The following CXCL8 variants were observed in gnomAD, a reference collection of about 807,000 sequenced individuals.
The protein encoded by CXCL8 is C-X-C motif chemokine ligand 8.
A neutral mutation model predicts 10.9 loss-of-function variants in CXCL8; 12 were observed. The observed-to-expected ratio is 1.10, with a 90% confidence interval of 0.71 to 1.79. CXCL8 has a LOEUF of 1.79. CXCL8 is among the 40% of genes most tolerant of loss of function. The probability of loss-of-function intolerance (pLI) is 0.00; values close to 1 mark genes in which losing one functional copy is unlikely to be tolerated. For missense variants in CXCL8, 145 were observed against 113.4 expected (o/e 1.28, Z -1.26); for synonymous variants, 41 against 39.6 (o/e 1.03, Z -0.13).
chr4:73,740,600 C>A lies in CXCL8; in HGVS notation c.-59C>A. Reference sequence around the variant, plus strand: ...TTTCAGAGACAGCAGAGCACACAAGCTTCTAGGACAAGAGCCAGGAAGAAA... The same window carrying A: ...TTTCAGAGACAGCAGAGCACACAAGATTCTAGGACAAGAGCCAGGAAGAAA... On this transcript the variant is annotated 5_prime_UTR_variant, in exon 1 of 4. Transcript: ENST00000307407. 6.6e-7 allele frequency: 1 copy of A among 1,508,736 alleles called. No individual in the cohort carries two copies. Among genetic ancestry groups the A allele is most frequent in the Non-Finnish European group, 9.2e-7 (1 of 1,088,986 alleles). 93.5% of individuals were successfully genotyped at this position (1,508,736 alleles called of 1,614,324 possible). A position where few individuals can be genotyped will look rare whatever the true frequency, so the allele number is the denominator to read the frequency against.
chr4:73,742,394 C>T (rs1729204733), intron 3 of CXCL8, 55 bp from the exon 4 acceptor site: 2 of 868,826 alleles, frequency 2.3e-6, no homozygotes, highest in Non-Finnish European at 3.6e-6. Flanking sequence ...TTCAAGAACC[C>T]TACTTTCCTT....
intron 2 of CXCL8, 91 bp from the exon 3 acceptor site, chr4:73,741,858 T>C (rs1316863888): frequency 8.9e-7 from 1 of 1,122,994 alleles, no homozygotes; most frequent in Non-Finnish European, 1.3e-6. Flanking sequence ...ATAAATGTTA[T>C]TTTGGACTTA....
Position 73,742,009 on chromosome 4 carries a change from G to C in CXCL8, c.261G>C (p.Arg87Ser), listed in dbSNP as rs756294837. The C allele has an allele frequency of 7.8e-5, 125 of 1,607,992 alleles. No homozygotes were observed. The highest frequency in any genetic ancestry group is 1.0e-4 in the Non-Finnish European group (123 of 1,175,958). Residue 87 changes from arginine (R) to serine (S), a missense_variant, in exon 3 of 4, where the codon AGG becomes AGC. Transcript: ENST00000307407. The part of the protein sequence containing the change: ...CLDPKENWVQ[R>S]VVEKFLKRAE... Reference sequence around the variant, plus strand: ...ACCCCAAGGAAAACTGGGTGCAGAGGGTTGTGGAGAAGTTTTTGAAGAGGT... The same window carrying C: ...ACCCCAAGGAAAACTGGGTGCAGAGCGTTGTGGAGAAGTTTTTGAAGAGGT...
At position 73,743,162 on chromosome 4, in the gene CXCL8, T is replaced by C. The variant is rs1412355716; in HGVS notation, c.*698T>C. The C allele has an allele frequency of 8.9e-6, 2 of 224,688 alleles. No homozygotes were observed. The highest frequency in any genetic ancestry group is 2.2e-5 in the African/African-American group (1 of 44,904). The allele number at this position is 224,688 out of a possible 1,614,324, so 13.9% of individuals were successfully genotyped here. ...AAGCATCAAATATTTGTGCAAGAAT[T>C]TGGAAAAATAGAAGATGAATCATTG... On this transcript the variant is annotated 3_prime_UTR_variant, in exon 4 of 4. Transcript: ENST00000307407.
Position 73,743,214 on chromosome 4 carries a change from T to C in CXCL8, c.*750T>C, listed in dbSNP as rs1270803482. 1.4e-5 allele frequency: 3 copies of C among 222,032 alleles called. No individual in the cohort carries two copies. The highest frequency in any genetic ancestry group is 6.7e-5 in the African/African-American group (3 of 44,848). The allele number at this position is 222,032 out of a possible 1,614,324, so 13.8% of individuals were successfully genotyped here. ...TTGAATAGTTATAAAGATGTTATAG[T>C]AAATTTATTTTATTTTAGATATTAA... On this transcript the variant is annotated 3_prime_UTR_variant, in exon 4 of 4. Transcript: ENST00000307407.
intron 2 of CXCL8, 130 bp from the exon 3 acceptor site, chr4:73,741,818 CA>C: frequency 9.5e-7 from 1 of 1,051,946 alleles, no homozygotes; most frequent in Non-Finnish European, 1.4e-6. Flanking sequence ...GTCTACATGA[CA>C]TTTAAATATG....
At position 73,743,701 on chromosome 4, in the gene CXCL8, T is replaced by C. The variant is rs1038729876; in HGVS notation, c.*1237T>C. On this transcript the variant is annotated 3_prime_UTR_variant, in exon 4 of 4. Coordinates refer to ENST00000307407, the MANE Select transcript of CXCL8 (RefSeq NM_000584.4). ...TAAATATGAAACATTTAAAATATAA[T>C]TTGTTGTCAAAGTAATCAAGTGTTT... The C allele has an allele frequency of 1.0e-5, 2 of 195,918 alleles. No homozygotes were observed. Among genetic ancestry groups the C allele is most frequent in the Non-Finnish European group, 2.1e-5 (2 of 95,210 alleles). The allele number at this position is 195,918 out of a possible 1,614,324, so 12.1% of individuals were successfully genotyped here.
rs1300117466 is a variant in CXCL8, at chr4:73,741,993, A to G, written c.245A>G (p.Glu82Gly). 1.2e-6 allele frequency: 2 copies of G among 1,611,474 alleles called. No homozygotes were observed. Among genetic ancestry groups the G allele is most frequent in the Admixed American group, 3.3e-5 (2 of 59,880 alleles). Residue 82 changes from glutamate to glycine, a missense_variant, in exon 3 of 4, where the codon GAA becomes GGA. Transcript: ENST00000307407. ...DGRELCLDPK[E>G]NWVQRVVEKF... is the part of the protein sequence containing the mutation. ...AGAGAGCTCTGTCTGGACCCCAAGG[A>G]AAACTGGGTGCAGAGGGTTGTGGAG...
Position 73,741,583 on chromosome 4 carries a change from T to C in CXCL8, c.106T>C (p.Cys36Arg). The C allele has an allele frequency of 6.2e-7, 1 of 1,613,590 alleles. No individual in the cohort carries two copies. Among genetic ancestry groups the C allele is most frequent in the South Asian group, 1.1e-5 (1 of 91,080 alleles). ...GAGTGCTAAAGAACTTAGATGTCAG[T>C]GCATAAAGACATACTCCAAACCTTT... ...PRSAKELRCQCIKTYSKPFHP... is the reference protein window; with the variant it reads ...PRSAKELRCQRIKTYSKPFHP... The change falls in exon 2 of 4, where the codon TGC (cysteine) becomes CGC (arginine). Residue 36 changes from cysteine to arginine, a missense_variant. Cys to Arg is a radical substitution (Grantham distance 180). Transcript: ENST00000307407.
Position 73,740,835 on chromosome 4 carries a change from A to T in CXCL8, c.64+113A>T, listed in dbSNP as rs1261423424. 8 of 831,888 alleles carry T rather than the reference A, an allele frequency of 9.6e-6. No homozygotes were observed. In the African/African-American group the frequency reaches 1.2e-4, roughly 13 times the overall value. 51.5% of individuals were successfully genotyped at this position (831,888 alleles called of 1,614,324 possible). ...AACATCCTTTTTATTCAGAAACAGA[A>T]TATAATCTTAGCAGTCAATTAATGT... On this transcript the variant is annotated intron_variant, in intron 1 of 3. Transcript: ENST00000307407.
rs372900552 is a variant in CXCL8 at position 73,741,594 on chromosome 4, A to G, written c.117A>G (p.Thr39=). ...AKELRCQCIK[T]YSKPFHPKFI... ...AACTTAGATGTCAGTGCATAAAGAC[A>G]TACTCCAAACCTTTCCACCCCAAAT... Residue 39 remains threonine, a synonymous_variant, in exon 2 of 4, where the codon ACA becomes ACG. Transcript: ENST00000307407. 6.2e-7 allele frequency: 1 copy of G among 1,613,484 alleles called. No individual in the cohort carries two copies. The highest frequency in any genetic ancestry group is 8.5e-7 in the Non-Finnish European group (1 of 1,179,640).
At position 73,742,881 on chromosome 4, in the gene CXCL8, A is replaced by G. The variant is rs201019582; in HGVS notation, c.*417A>G. 8.6e-6 allele frequency: 2 copies of G among 231,650 alleles called. No individual in the cohort carries two copies. Among genetic ancestry groups the G allele is most frequent in the Non-Finnish European group, 8.5e-6 (1 of 117,150 alleles). The allele number at this position is 231,650 out of a possible 1,614,324, so 14.3% of individuals were successfully genotyped here. A position where few individuals can be genotyped will look rare whatever the true frequency, so the allele number is the denominator to read the frequency against. On this transcript the variant is annotated 3_prime_UTR_variant, in exon 4 of 4. Transcript: ENST00000307407. ...TGATGGGACAATAAATTTTGCCATA[A>G]AGTCAAATTTAGCTGGAAATCCTGG...
chr4:73,741,844 T>G (rs1489059884), intron 2 of CXCL8, 105 bp from the exon 3 acceptor site: 1 of 1,073,956 alleles, frequency 9.3e-7, no homozygotes, highest in Non-Finnish European at 1.4e-6. Flanking sequence ...CTTCCACAAC[T>G]ACTATAAATG....
Position 73,743,346 on chromosome 4 carries a change from A to T in CXCL8, c.*882A>T, listed in dbSNP as rs1560494300. On this transcript the variant is annotated 3_prime_UTR_variant, in exon 4 of 4. Transcript: ENST00000307407. ...TCAGATAAACAACAAATAATTTTTTAGTATAAGTACATTATTGTTTATCTG... is the reference window on the plus strand; with the variant it reads ...TCAGATAAACAACAAATAATTTTTTTGTATAAGTACATTATTGTTTATCTG... 4.7e-6 allele frequency: 1 copy of T among 211,378 alleles called. No individual in the cohort carries two copies. Among genetic ancestry groups the T allele is most frequent in the Non-Finnish European group, 9.6e-6 (1 of 104,360 alleles). The allele number at this position is 211,378 out of a possible 1,614,324, so 13.1% of individuals were successfully genotyped here. A position where few individuals can be genotyped will look rare whatever the true frequency, so the allele number is the denominator to read the frequency against.
At chr4:73,741,211 A>T (rs1351283940) in intron 1 of CXCL8, among the ~76,000 whole-genome samples, 3 of 152,132 alleles carry the variant, frequency 2.0e-5, no homozygotes, top group African/African-American at 7.2e-5. Flanking sequence ...TATGCTGGAG[A>T]GTCTTAGCTT....
intron 3 of CXCL8, 169 bp downstream of exon 3, chr4:73,742,201 G>A (rs1486767325): frequency 3.4e-6 from 2 of 588,838 alleles, no homozygotes; most frequent in African/African-American, 3.8e-5. Flanking sequence ...CTCATGACCA[G>A]AAAGACCATA....
In CXCL8 at chr4:73,742,551, G is replaced by T; in HGVS notation, c.*87G>T. The T allele has an allele frequency of 7.7e-6, 6 of 775,614 alleles. No homozygotes were observed. The South Asian group carries it at 1.1e-4, about 14-fold the overall frequency. 48.0% of individuals were successfully genotyped at this position (775,614 alleles called of 1,614,324 possible). On this transcript the variant is annotated 3_prime_UTR_variant, in exon 4 of 4. Transcript: ENST00000307407. The stretch of plus-strand genomic sequence containing the variant: ...TCTACTTCAACACTTCATGTATTGT[G>T]TGGGTCTGTTGTAGGGTTGCCAGAT...
At chr4:73,742,128 C>A in intron 3 of CXCL8, 96 bp downstream of exon 3, 1 of 673,670 alleles carries the variant, frequency 1.5e-6, no homozygotes. Context: ...TAAAAATCGT[C>A]ATTAGGTATC....
chr4:73,741,809 T>A, intron 2 of CXCL8, 132 bp downstream of exon 2: 1 of 1,057,386 alleles, frequency 9.5e-7, no homozygotes, highest in Non-Finnish European at 1.4e-6. Flanking sequence ...AAAATATTTG[T>A]CTACATGACA....
Sources: allele counts gnomAD v4.1 joint callset (sites outside exome capture counted in the v4.1 genomes callset), GRCh38; gene constraint gnomAD v4.1.1; transcripts MANE v1.5; gene names NCBI Gene and HGNC (gene_info 2026-07-23, HGNC 2026-07-21).